The following UBR2 variants were observed in gnomAD, a reference collection of about 807,000 sequenced individuals.
The protein encoded by UBR2 is ubiquitin protein ligase E3 component n-recognin 2, also known as E3 ubiquitin-protein ligase UBR2.
In UBR2, 92 loss-of-function variants were observed where a neutral mutation model predicts 247.9. The ratio of observed to expected loss-of-function variants is 0.37; its 90% confidence interval spans 0.31 to 0.44. The LOEUF (loss-of-function observed/expected upper bound fraction) is 0.44. UBR2 is among the 20% of genes least tolerant of loss of function. The pLI, the probability that UBR2 is intolerant of heterozygous loss-of-function variation, is 1.00. For missense variants in UBR2, 1,613 were observed against 2,112.6 expected (o/e 0.76, Z 4.64); for synonymous variants, 672 against 693.5 (o/e 0.97, Z 0.49).
At chr6:42,665,809 TG>T (rs1396271851) in intron 33 of UBR2, among the ~76,000 whole-genome samples, 2 of 152,152 alleles carry the variant, frequency 1.3e-5, no homozygotes, top group African/African-American at 2.4e-5. Flanking sequence ...TAGTTCTCGG[TG>T]GGCTAACTCA....
Position 42,691,200 on chromosome 6 carries a change from T to C in UBR2, c.*27T>C, listed in dbSNP as rs1031042012. 2 of 1,605,702 alleles carry C rather than the reference T, an allele frequency of 1.2e-6. No individual in the cohort carries two copies. Among genetic ancestry groups the C allele is most frequent in the Non-Finnish European group, 1.7e-6 (2 of 1,178,262 alleles). On this transcript the variant is annotated 3_prime_UTR_variant, in exon 47 of 47. Coordinates refer to ENST00000372901, the MANE Select transcript of UBR2 (RefSeq NM_001363705.2). ...TATTGCACCACCAAAAAACACAAACTTGGATTTTTTTAACCCAGTTGGCTT... is the reference window on the plus strand; with the variant it reads ...TATTGCACCACCAAAAAACACAAACCTGGATTTTTTTAACCCAGTTGGCTT...
intron 11 of UBR2, among the ~76,000 whole-genome samples, chr6:42,622,462 T>C (rs912069038): frequency 1.5e-4 from 22 of 150,474 alleles, no homozygotes; most frequent in Admixed American, 8.6e-4. Flanking sequence ...AGTGCAGTGG[T>C]GCAATCTCAG....
chr6:42,607,146 G>T (rs1392156948), intron 7 of UBR2, among the ~76,000 whole-genome samples: 1 of 150,364 alleles, frequency 6.7e-6, no homozygotes, highest in African/African-American at 2.4e-5. Context: ...TGAATTTTAT[G>T]TAAATATTCT....
At position 42,603,501 on chromosome 6, in the gene UBR2, C is replaced by G; in HGVS notation, c.532-87C>G. ...GAAGACCAGTCAACTTTTTACTATA[C>G]TATTTTGAGGGATGGAAGCAGAATG... On this transcript the variant is annotated intron_variant, in intron 4 of 46. Coordinates refer to ENST00000372901, the MANE Select transcript of UBR2 (RefSeq NM_001363705.2). The G allele has an allele frequency of 2.3e-6, 3 of 1,305,584 alleles. No homozygotes were observed. In the East Asian group the frequency reaches 8.8e-5, roughly 38 times the overall value. The allele number at this position is 1,305,584 out of a possible 1,614,324, so 80.9% of individuals were successfully genotyped here.
At chr6:42,645,385 C>A in intron 20 of UBR2, 81 bp from the exon 21 acceptor site, 3 of 1,291,678 alleles carry the variant, frequency 2.3e-6, no homozygotes, top group South Asian at 1.3e-5. Flanking sequence ...ATATAACATG[C>A]TGCATGAATT....
chr6:42,603,410 T>C (rs1474958738), intron 4 of UBR2, among the ~76,000 whole-genome samples, 178 bp from the exon 5 acceptor site: 2 of 152,216 alleles, frequency 1.3e-5, no homozygotes, highest in Non-Finnish European at 2.9e-5. Context: ...CTAAAAATTT[T>C]AAGAAGCTTT....
intron 4 of UBR2, among the ~76,000 whole-genome samples, chr6:42,598,180 T>C (rs1413784560): frequency 2.0e-5 from 3 of 152,108 alleles, no homozygotes; most frequent in Non-Finnish European, 4.4e-5. Flanking sequence ...ACAAGCCAAA[T>C]CTTGTCCACA....
In UBR2 at chr6:42,659,570, A is replaced by G. The variant is rs1797680922; in HGVS notation, c.3243-86A>G. The stretch of plus-strand genomic sequence containing the variant: ...ACACACACACACACACACTACACAC[A>G]CACACACATACCTGTAGTCTGCTAT... On this transcript the variant is annotated intron_variant, in intron 29 of 46. Coordinates refer to ENST00000372901, the MANE Select transcript of UBR2 (RefSeq NM_001363705.2). The surrounding 1 kb of genome is among the most constrained non-coding windows in gnomAD (Gnocchi z 4.3). 1.9e-6 allele frequency: 2 copies of G among 1,048,470 alleles called. No individual in the cohort carries two copies. The highest frequency in any genetic ancestry group is 1.4e-5 in the South Asian group (1 of 69,930). 64.9% of individuals were successfully genotyped at this position (1,048,470 alleles called of 1,614,324 possible).
At chr6:42,584,075 G>A (rs1268646856) in intron 2 of UBR2, among the ~76,000 whole-genome samples, 6 of 146,346 alleles carry the variant, frequency 4.1e-5, no homozygotes, top group African/African-American at 1.0e-4. Flanking sequence ...TCAGCTCACC[G>A]CAATCTCCGC....
chr6:42,571,089 A>T (rs1485473069), intron 1 of UBR2, among the ~76,000 whole-genome samples: 1 of 150,206 alleles, frequency 6.7e-6, no homozygotes, highest in Non-Finnish European at 1.5e-5. Context: ...AGACTGCATA[A>T]TTTTTTTTTA....
At position 42,659,486 on chromosome 6, in the gene UBR2, C is replaced by G. The variant is rs1213561596; in HGVS notation, c.3243-170C>G. Among the ~76,000 whole-genome samples the G allele has an allele frequency of 6.8e-6, 1 of 148,108 alleles. No individual in the cohort carries two copies. Among genetic ancestry groups the G allele is most frequent in the Non-Finnish European group, 1.5e-5 (1 of 67,306 alleles). On this transcript the variant is annotated intron_variant, in intron 29 of 46. Coordinates refer to ENST00000372901, the MANE Select transcript of UBR2 (RefSeq NM_001363705.2). The surrounding 1 kb of genome is among the most constrained non-coding windows in gnomAD (Gnocchi z 4.3). ...ACTCACCCCAGCCTGGGTGACAGAG[C>G]AAGACTCTGTCTCAAAAAATAAATA...
chr6:42,582,758 A>G lies in UBR2; in HGVS notation c.338+8765A>G, dbSNP rs765574609. On this transcript the variant is annotated intron_variant, in intron 2 of 46. Transcript: ENST00000372901. ...ATAACCTCATTTAAATTTAAGTTTA[A>G]TGCATCATACTATTTAAATATCTGC... Among the ~76,000 whole-genome samples, 4 of 152,278 alleles carry G rather than the reference A, an allele frequency of 2.6e-5. No individual in the cohort carries two copies. In the East Asian group the frequency reaches 7.7e-4, roughly 29 times the overall value.
intron 26 of UBR2, 59 bp downstream of exon 26, chr6:42,655,782 TTAA>T (rs1173542277): frequency 2.0e-6 from 2 of 1,022,698 alleles, no homozygotes; most frequent in African/African-American, 1.7e-5. Context: ...AAGAAATCAC[TTAA>T]TAACCTCTTT....
intron 11 of UBR2, among the ~76,000 whole-genome samples, chr6:42,630,484 A>AT (rs571382373): frequency 0.025 from 3,666 of 144,620 alleles, 96 homozygotes; most frequent in African/African-American, 0.073. Flanking sequence ...CACCCAGCCT[A>AT]TTTTTTTTTT....
chr6:42,582,282 C>CAAAAAA (rs397887989), intron 2 of UBR2, among the ~76,000 whole-genome samples: 29 of 85,858 alleles, frequency 3.4e-4, no homozygotes, highest in African/African-American at 9.2e-4. Context: ...GACTCCGTCT[C>CAAAAAA]AAAAAAAAAA....
chr6:42,684,990 T>C (rs1399943426), intron 44 of UBR2, 119 bp downstream of exon 44: 2 of 779,326 alleles, frequency 2.6e-6, no homozygotes, highest in Non-Finnish European at 2.0e-6. Flanking sequence ...TGTAGTCCTT[T>C]ATGAGAGGAG....
rs182489022 is a variant in UBR2 at position 42,578,950 on chromosome 6, A to G, written c.338+4957A>G. 1.9e-3 allele frequency among the ~76,000 whole-genome samples: 251 copies of G among 134,998 alleles called. No individual in the cohort carries two copies. The Middle Eastern group carries it at 0.021, about 12-fold the overall frequency. The allele number at this position is 134,998 out of a possible 152,430, so 88.6% of individuals were successfully genotyped here. ...TGCACTCCAGCCTGGGCGAAACTCC[A>G]TCTCAAAAACACACACACACAAACA... On this transcript the variant is annotated intron_variant, in intron 2 of 46. Transcript: ENST00000372901.
At chr6:42,639,359 G>T (rs749170389) in intron 15 of UBR2, among the ~76,000 whole-genome samples, 1 of 152,202 alleles carries the variant, frequency 6.6e-6, no homozygotes, top group Non-Finnish European at 1.5e-5. Flanking sequence ...TTGGGAGGCC[G>T]AGGCCAGCAG....
chr6:42,633,163 T>TTTGTTGTTGTTG (rs78126394), intron 13 of UBR2, among the ~76,000 whole-genome samples: 3 of 149,730 alleles, frequency 2.0e-5, no homozygotes, highest in Admixed American at 2.0e-4. Context: ...GCCCAGCTTC[T>TTTGTTGTTGTTG]TTGTTGTTGT....
Sources: allele counts gnomAD v4.1 joint callset (sites outside exome capture counted in the v4.1 genomes callset), GRCh38; gene constraint gnomAD v4.1.1; non-coding constraint Gnocchi (gnomAD v3.1); transcripts MANE v1.5; gene names NCBI Gene and HGNC (gene_info 2026-07-23, HGNC 2026-07-21).